SHF: variants seen among roughly 807,000 people sequenced by gnomAD.
The protein encoded by SHF is Src homology 2 domain containing F.
In SHF, 30 loss-of-function variants were observed where a neutral mutation model predicts 42.4. The ratio of observed to expected loss-of-function variants is 0.71; its 90% CI spans 0.53 to 0.96. The LOEUF is 0.96. Ranked by LOEUF, SHF falls within the 40% of genes least tolerant of loss-of-function variation. The pLI, the probability that SHF is intolerant of heterozygous loss-of-function variation, is 0.00. For missense variants in SHF, 598 were observed against 634.0 expected (o/e 0.94, Z 0.61); for synonymous variants, 264 against 269.9 (o/e 0.98, Z 0.21).
chr15:45,192,573 G>A (rs1162111970), upstream of SHF, among the ~76,000 whole-genome samples: 5 of 151,934 alleles, frequency 3.3e-5, no homozygotes, highest in South Asian at 2.1e-4. Flanking sequence ...GGGTTTCACC[G>A]TGTTAGCTGG....
At chr15:45,191,860 G>T (rs1898715372), upstream of SHF, among the ~76,000 whole-genome samples, 2 of 151,452 alleles carry the variant, frequency 1.3e-5, no homozygotes, top group East Asian at 1.9e-4. Flanking sequence ...TGGCCGAGGT[G>T]GGCGGATCAC....
chr15:45,187,892 G>T lies in SHF; in HGVS notation c.60C>A (p.Ser20Arg). 2.5e-6 allele frequency: 3 copies of T among 1,179,910 alleles called. No homozygotes were observed. The highest frequency in any genetic ancestry group is 1.0e-6 in the Non-Finnish European group (1 of 953,630). 73.1% of individuals were successfully genotyped at this position (1,179,910 alleles called of 1,614,324 possible). A position where few individuals can be genotyped will look rare whatever the true frequency, so the allele number is the denominator to read the frequency against. The change falls in exon 1 of 7, where the codon AGC (serine) becomes AGA (arginine). Residue 20 changes from serine to arginine, a missense_variant. By Grantham distance (110) the Ser-to-Arg change is moderately radical (BLOSUM62 -1). Around this residue, in one of 2 missense-constraint regions of SHF, gnomAD observed 159 missense variants for 109.3 expected, o/e 1.45. Coordinates refer to ENST00000690270, the MANE Select transcript of SHF (RefSeq NM_001394037.1). ...GGGACCCCCCCGGGCCGCCCCCAGC[G>T]CTCCCCTGCGTTCGCGGCCCCGGGC... ...GSRPGPRTQGSAGGGPGGSRR... is the reference protein window; with the variant it reads ...GSRPGPRTQGRAGGGPGGSRR...
intron 1 of SHF, 29 bp downstream of exon 1, chr15:45,187,425 T>A (rs1205545753): frequency 5.7e-6 from 7 of 1,231,656 alleles, no homozygotes; most frequent in Non-Finnish European, 7.1e-6. Flanking sequence ...CCTTCCCTCC[T>A]GGCCATCCCG....
At chr15:45,194,932 GATCCTCCC>G (rs1275109128) in intron 2 of SHF, among the ~76,000 whole-genome samples, 1 of 152,000 alleles carries the variant, frequency 6.6e-6, no homozygotes, top group Non-Finnish European at 1.5e-5. Context: ...GGGTTCAAGC[GATCCTCCC>G]ACCTCAGCTG....
upstream of SHF, among the ~76,000 whole-genome samples, chr15:45,191,239 G>A (rs1024441159): frequency 1.3e-5 from 2 of 152,078 alleles, no homozygotes; most frequent in African/African-American, 4.8e-5. Context: ...GTAAAGATGG[G>A]GCCTCAGTAC....
chr15:45,171,314 G>A (rs181278452), intron 6 of SHF: 52 of 153,682 alleles, frequency 3.4e-4, no homozygotes, highest in Admixed American at 9.0e-4. Context: ...GGACCCAAAA[G>A]CTCAGACACC....
chr15:45,187,884 C>G lies in SHF; in HGVS notation c.68G>C (p.Gly23Ala), dbSNP rs1350896709. 1.1e-5 allele frequency: 13 copies of G among 1,178,764 alleles called. No homozygotes were observed. Among genetic ancestry groups the G allele is most frequent in the Non-Finnish European group, 1.4e-5 (13 of 951,598 alleles). 73.0% of individuals were successfully genotyped at this position (1,178,764 alleles called of 1,614,324 possible). A position where few individuals can be genotyped will look rare whatever the true frequency, so the allele number is the denominator to read the frequency against. Residue 23 changes from glycine to alanine, a missense_variant, in exon 1 of 7, where the codon GGC (glycine) becomes GCC (alanine). Transcript: ENST00000690270. ...GCCCCGGCGGGACCCCCCCGGGCCG[C>G]CCCCAGCGCTCCCCTGCGTTCGCGG... The part of the protein sequence containing the change: ...PGPRTQGSAG[G>A]GPGGSRRGAG...
chr15:45,185,676 C>G (rs1308253868), intron 1 of SHF, among the ~76,000 whole-genome samples: 1 of 152,190 alleles, frequency 6.6e-6, no homozygotes, highest in Non-Finnish European at 1.5e-5. Flanking sequence ...ACACAGATCA[C>G]AGAGCTGACC....
intron 1 of SHF, among the ~76,000 whole-genome samples, 190 bp downstream of exon 1, chr15:45,187,264 C>T (rs1369596496): frequency 6.6e-6 from 1 of 152,224 alleles, no homozygotes; most frequent in South Asian, 2.1e-4. Flanking sequence ...TTGGGGCTTC[C>T]GTCTCAGATT....
intron 1 of SHF, among the ~76,000 whole-genome samples, chr15:45,180,389 C>T (rs957581143): frequency 3.9e-5 from 6 of 152,196 alleles, no homozygotes; most frequent in African/African-American, 1.4e-4. Flanking sequence ...GTGGTCAGCC[C>T]ACCTTCGGTG....
intron 4 of SHF, 119 bp from the exon 5 acceptor site, chr15:45,172,437 T>C (rs1897556889): frequency 1.7e-6 from 2 of 1,150,992 alleles, no homozygotes; most frequent in Non-Finnish European, 2.4e-6. Flanking sequence ...AAAGGAATGC[T>C]CTAGGAGGGC....
At chr15:45,196,663 C>T (rs1051157234) in intron 2 of SHF, among the ~76,000 whole-genome samples, 6 of 151,882 alleles carry the variant, frequency 4.0e-5, no homozygotes, top group Non-Finnish European at 8.8e-5. Flanking sequence ...TTTGGGAGGC[C>T]GAGGCGGGCA....
rs1897298867 is a variant in SHF, at chr15:45,167,864, G to A, written c.*83C>T. On this transcript the variant is annotated 3_prime_UTR_variant, in exon 7 of 7. Transcript: ENST00000690270. ...GGAGAAGAAAGGTTTGAAAGATCAC[G>A]TCCCTGGCAAGAGCCACAGCCCTCA... 3.1e-6 allele frequency: 4 copies of A among 1,284,670 alleles called. No homozygotes were observed. Among genetic ancestry groups the A allele is most frequent in the Admixed American group, 2.8e-5 (1 of 35,982 alleles). The allele number at this position is 1,284,670 out of a possible 1,614,324, so 79.6% of individuals were successfully genotyped here.
upstream of SHF, among the ~76,000 whole-genome samples, chr15:45,190,421 A>G (rs901163111): frequency 6.6e-6 from 1 of 152,160 alleles, no homozygotes; most frequent in Non-Finnish European, 1.5e-5. Flanking sequence ...GTAGCCAGGT[A>G]TTTGGGGAAG....
intron 6 of SHF, chr15:45,170,343 G>A (rs1212978420): frequency 7.8e-7 from 1 of 1,277,728 alleles, no homozygotes; most frequent in Non-Finnish European, 1.0e-6. Flanking sequence ...ATGGTATACA[G>A]GCTGCTTGGT....
intron 1 of SHF, among the ~76,000 whole-genome samples, chr15:45,199,498 G>A (rs1242629555): frequency 1.3e-5 from 2 of 152,160 alleles, no homozygotes; most frequent in Non-Finnish European, 2.9e-5. Flanking sequence ...GCAGAGCCGC[G>A]GGAGGGATCT....
intron 1 of SHF, chr15:45,200,315 G>A (rs1376303391): frequency 5.9e-6 from 1 of 168,664 alleles, no homozygotes; most frequent in Non-Finnish European, 1.3e-5. Context: ...ATGTCACAAG[G>A]GAATCGGGGT....
intron 1 of SHF, among the ~76,000 whole-genome samples, chr15:45,184,861 C>T (rs957590393): frequency 1.3e-5 from 2 of 152,234 alleles, no homozygotes; most frequent in Non-Finnish European, 2.9e-5. Context: ...CCTGCTGCTC[C>T]CACACCTGCC....
intron 2 of SHF, among the ~76,000 whole-genome samples, chr15:45,196,873 C>G (rs564373398): frequency 2.7e-5 from 4 of 148,514 alleles, no homozygotes; most frequent in Non-Finnish European, 5.9e-5. Context: ...TGCACTCCAG[C>G]CTGGGTGACA....
Sources: gnomAD v4.1 joint callset for allele counts (sites outside exome capture counted in the v4.1 genomes callset) on GRCh38, gnomAD v4.1.1 for gene constraint, gnomAD v4.1.1 regional missense constraint, MANE v1.5 for transcripts, NCBI Gene and HGNC (gene_info 2026-07-23, HGNC 2026-07-21) for gene names.